PTPRN2: variants seen among roughly 807,000 people sequenced by gnomAD.
PTPRN2 encodes receptor-type tyrosine-protein phosphatase N2.
Under a neutral mutation model 118.8 loss-of-function variants are expected in PTPRN2, and 74 were observed. The observed-to-expected ratio is 0.62, with a 90% CI of 0.52 to 0.76. The LOEUF (loss-of-function observed/expected upper bound fraction) is 0.76. Ranked by LOEUF, PTPRN2 falls within the 30% of genes least tolerant of loss-of-function variation. The probability of loss-of-function intolerance (pLI) is 0.00; values close to 1 mark genes in which losing one functional copy is unlikely to be tolerated. For synonymous variants in PTPRN2, 641 were observed against 608.0 expected (o/e 1.05, Z -0.80); for missense variants, 1,481 against 1,394.4 (o/e 1.06, Z -0.99).
intron 17 of PTPRN2, among the ~76,000 whole-genome samples, chr7:157,594,601 C>T (rs966650045): frequency 2.6e-5 from 4 of 152,264 alleles, no homozygotes; most frequent in Non-Finnish European, 4.4e-5. Context: ...GCGGCCGGTG[C>T]CTGTGCTCCT....
At chr7:158,341,891 T>C (rs1426423001) in intron 2 of PTPRN2, among the ~76,000 whole-genome samples, 1 of 118,988 alleles carries the variant, frequency 8.4e-6, no homozygotes, top group Non-Finnish European at 1.7e-5. Flanking sequence ...ACACCCACAC[T>C]CACCATATGA....
chr7:158,148,480 C>A (rs113277497), intron 6 of PTPRN2, among the ~76,000 whole-genome samples: 3 of 79,764 alleles, frequency 3.8e-5, no homozygotes, highest in African/African-American at 6.4e-5. Context: ...CTCAATGACA[C>A]CCCATCTCAC....
At chr7:158,385,415 T>A (rs1811260043) in intron 2 of PTPRN2, among the ~76,000 whole-genome samples, 1 of 152,196 alleles carries the variant, frequency 6.6e-6, no homozygotes, top group East Asian at 1.9e-4. Flanking sequence ...CAAGTAGAAT[T>A]GGCCTCTACT....
At chr7:158,289,438 T>C (rs1219999456) in intron 3 of PTPRN2, among the ~76,000 whole-genome samples, 2 of 152,230 alleles carry the variant, frequency 1.3e-5, no homozygotes, top group African/African-American at 4.8e-5. Context: ...AATTCTGCAG[T>C]TGACACTCTC....
Position 157,598,698 on chromosome 7 carries a change from C to T in PTPRN2, c.2419-3383G>A, listed in dbSNP as rs1345385684. Among the ~76,000 whole-genome samples the T allele has an allele frequency of 3.3e-5, 5 of 152,210 alleles. No individual in the cohort carries two copies. The highest frequency in any genetic ancestry group is 2.1e-4 in the South Asian group (1 of 4,832). On this transcript the variant is annotated intron_variant, in intron 16 of 22. Transcript: ENST00000389418. The surrounding 1 kb of genome is among the most constrained non-coding windows in gnomAD (Gnocchi z 5.2). ...AAAACCTGTAAATTTATTAGGTGAA[C>T]GCCAAGCTGTCAGGCGGTCTGCGGC...
At chr7:157,665,461 C>G (rs1203127587) in intron 13 of PTPRN2, among the ~76,000 whole-genome samples, 5 of 152,218 alleles carry the variant, frequency 3.3e-5, no homozygotes, top group African/African-American at 1.2e-4. Flanking sequence ...TGCGAATTCC[C>G]TCCCCACTCT....
intron 11 of PTPRN2, among the ~76,000 whole-genome samples, chr7:158,074,474 C>G (rs556952969): frequency 6.6e-6 from 1 of 152,164 alleles, no homozygotes; most frequent in Admixed American, 6.5e-5. Flanking sequence ...TTTTCAGAAG[C>G]GGGTTTTACA....
intron 12 of PTPRN2, among the ~76,000 whole-genome samples, chr7:157,685,945 C>T (rs766113413): frequency 5.3e-5 from 8 of 152,124 alleles, no homozygotes; most frequent in Non-Finnish European, 1.0e-4. Context: ...CCCACCTCCC[C>T]GCGCCGGTCC....
intron 3 of PTPRN2, among the ~76,000 whole-genome samples, chr7:158,305,137 A>ACCCCTT (rs895605454): frequency 5.3e-5 from 8 of 151,906 alleles, no homozygotes; most frequent in Non-Finnish European, 1.0e-4. Context: ...GTGTCCAAAC[A>ACCCCTT]CCCCTTCCCA....
chr7:158,075,811 G>C (rs186318674), intron 11 of PTPRN2, among the ~76,000 whole-genome samples: 80 of 152,300 alleles, frequency 5.3e-4, no homozygotes, highest in African/African-American at 1.9e-3. Flanking sequence ...GGATGAGCAC[G>C]AGCCCCACGC....
At chr7:158,187,947 C>T (rs749498083) in intron 5 of PTPRN2, among the ~76,000 whole-genome samples, 8 of 152,122 alleles carry the variant, frequency 5.3e-5, no homozygotes, top group Non-Finnish European at 8.8e-5. Context: ...TTGACATGAC[C>T]GGTGCCCACG....
chr7:157,930,796 C>A lies in PTPRN2; in HGVS notation c.1724-32059G>T, dbSNP rs1163975512. Among the ~76,000 whole-genome samples the A allele has an allele frequency of 3.3e-5, 5 of 152,236 alleles. No homozygotes were observed. In the East Asian group the frequency reaches 7.7e-4, roughly 23 times the overall value. On this transcript the variant is annotated intron_variant, in intron 11 of 22. Transcript: ENST00000389418. ...CTTCCCAGGCTGCTCACAGGCACTG[C>A]TGCTTGGGGATGAAATGTATATTTT...
chr7:158,171,304 CACACATATATATATATATATATATATAT>C (rs1823643372), intron 5 of PTPRN2, among the ~76,000 whole-genome samples: 4 of 28,088 alleles, frequency 1.4e-4, no homozygotes, highest in Admixed American at 5.4e-4. Flanking sequence ...CATATATATA[CACACATATATATATATATATATATATAT>C]ATATATATAT....
chr7:158,396,214 C>G (rs977952937), intron 2 of PTPRN2, among the ~76,000 whole-genome samples: 1 of 152,192 alleles, frequency 6.6e-6, no homozygotes, highest in Non-Finnish European at 1.5e-5. Flanking sequence ...GTTTTCTCAC[C>G]GTCATTGTCA....
chr7:157,748,782 C>G (rs1397872260), intron 12 of PTPRN2, among the ~76,000 whole-genome samples: 494 of 66,202 alleles, frequency 7.5e-3, no homozygotes, highest in Admixed American at 0.012. Flanking sequence ...GAGCTGTGGG[C>G]TGTTGAGGTG....
chr7:157,998,068 G>GGGGGGAGAGGAGTGCAGGGTA, intron 11 of PTPRN2, among the ~76,000 whole-genome samples: 1 of 89,602 alleles, frequency 1.1e-5, no homozygotes, highest in East Asian at 4.0e-4. Context: ...AGTGCAGGGT[G>GGGGGGAGAGGAGTGCAGGGTA]GGGGGAGAGG....
intron 3 of PTPRN2, among the ~76,000 whole-genome samples, chr7:158,233,862 T>C (rs535255783): frequency 8.5e-5 from 13 of 152,200 alleles, no homozygotes; most frequent in African/African-American, 2.9e-4. Flanking sequence ...CAAGAGCAGA[T>C]ATTGGGGAAA....
intron 2 of PTPRN2, among the ~76,000 whole-genome samples, chr7:158,328,258 A>C (rs1803815726): frequency 6.6e-6 from 1 of 152,210 alleles, no homozygotes; most frequent in Non-Finnish European, 1.5e-5. Flanking sequence ...CCAAGGAAGC[A>C]GGCACTGGCT....
Position 157,587,727 on chromosome 7 carries a change from G to C in PTPRN2, c.2496+7511C>G, listed in dbSNP as rs112317851. On this transcript the variant is annotated intron_variant, in intron 17 of 22. Transcript: ENST00000389418. This position sits in a 1 kb window ranked among gnomAD's most constrained non-coding sequence, Gnocchi z 5.3. ...CTCTGGGGGCCAGGAGAGCTGTTTC[G>C]TGTCTGACTCTGTCCTGAAAGGCAG... Among the ~76,000 whole-genome samples the C allele has an allele frequency of 2.0e-5, 3 of 152,244 alleles. No homozygotes were observed. Among genetic ancestry groups the C allele is most frequent in the Non-Finnish European group, 2.9e-5 (2 of 68,044 alleles).
Sources: gnomAD v4.1 joint callset for allele counts (sites outside exome capture counted in the v4.1 genomes callset) on GRCh38, gnomAD v4.1.1 for gene constraint, Gnocchi (gnomAD v3.1) non-coding constraint, MANE v1.5 for transcripts, NCBI Gene and HGNC (gene_info 2026-07-23, HGNC 2026-07-21) for gene names.